ADCY5: variants seen among roughly 807,000 people sequenced by gnomAD.
The protein encoded by ADCY5 is adenylate cyclase type 5.
A neutral mutation model predicts 119.7 loss-of-function variants in ADCY5; 30 were observed. The observed-to-expected ratio is 0.25, with a 90% CI of 0.19 to 0.34. ADCY5 has a LOEUF of 0.34. ADCY5 is among the 10% of genes least tolerant of loss of function. The probability of loss-of-function intolerance (pLI) is 1.00; values close to 1 mark genes in which losing one functional copy is unlikely to be tolerated. For synonymous variants in ADCY5, 753 were observed against 762.2 expected (o/e 0.99, Z 0.20); for missense variants, 1,324 against 1,775.2 (o/e 0.75, Z 4.57).
At chr3:123,394,049 C>G (rs72966538) in intron 1 of ADCY5, among the ~76,000 whole-genome samples, 8,799 of 152,068 alleles carry the variant, frequency 0.058, 839 homozygotes, top group African/African-American at 0.2. Context: ...AGGATCACTT[C>G]AACCCATAAG....
At chr3:123,415,334 G>A (rs1170587552) in intron 1 of ADCY5, among the ~76,000 whole-genome samples, 1 of 152,132 alleles carries the variant, frequency 6.6e-6, no homozygotes, top group Non-Finnish European at 1.5e-5. Context: ...CAGCTCCACG[G>A]TACACTAGTA....
At chr3:123,434,527 TC>T (rs1420213073) in intron 1 of ADCY5, among the ~76,000 whole-genome samples, 1 of 152,230 alleles carries the variant, frequency 6.6e-6, no homozygotes, top group Non-Finnish European at 1.5e-5. Context: ...CATCACCTCG[TC>T]AGAGTTGCCA....
intron 1 of ADCY5, among the ~76,000 whole-genome samples, chr3:123,404,043 G>C (rs1944839792): frequency 6.6e-6 from 1 of 152,152 alleles, no homozygotes; most frequent in Admixed American, 6.5e-5. Flanking sequence ...TTACAAGAAA[G>C]GAGTAAGACC....
At chr3:123,374,103 G>C (rs891963469) in intron 1 of ADCY5, among the ~76,000 whole-genome samples, 1 of 152,178 alleles carries the variant, frequency 6.6e-6, no homozygotes, top group Non-Finnish European at 1.5e-5. Flanking sequence ...GATTGCAAAT[G>C]CCTCTGTCGG....
chr3:123,306,774 G>A (rs1269542421), intron 12 of ADCY5, among the ~76,000 whole-genome samples: 1 of 152,174 alleles, frequency 6.6e-6, no homozygotes, highest in Non-Finnish European at 1.5e-5. Flanking sequence ...ACAGGGACTT[G>A]CACAGATAAT....
Position 123,448,254 on chromosome 3 carries a change from G to GGAAGCT in ADCY5, c.286_291dup (p.Ser96_Phe97dup). On this transcript the variant is annotated inframe_insertion, in exon 1 of 21. Transcript: ENST00000462833. The stretch of plus-strand genomic sequence containing the variant: ...CGCTCCTGCCAGGCGGACTTGGAGC[G>GGAAGCT]GAAGCTGAAGCCGAAGCCCCCGGCC... 6.7e-7 allele frequency: 1 copy of GGAAGCT among 1,496,898 alleles called. No individual in the cohort carries two copies. The highest frequency in any genetic ancestry group is 2.8e-5 in the East Asian group (1 of 36,088). The allele number at this position is 1,496,898 out of a possible 1,614,324, so 92.7% of individuals were successfully genotyped here.
chr3:123,366,759 C>A (rs1456060692), intron 1 of ADCY5, among the ~76,000 whole-genome samples: 2 of 152,186 alleles, frequency 1.3e-5, no homozygotes, highest in Admixed American at 6.5e-5. Context: ...GGTGTGAGTT[C>A]TCAGCCTGGA....
intron 15 of ADCY5, among the ~76,000 whole-genome samples, chr3:123,299,262 T>C (rs969124608): frequency 3.3e-5 from 5 of 152,220 alleles, no homozygotes; most frequent in African/African-American, 1.2e-4. Flanking sequence ...CATTCCCACT[T>C]GTAACAGCTT....
rs762609054 is a variant in ADCY5 at position 123,448,400 on chromosome 3, G to A, written c.146C>T (p.Ser49Phe). ...ANGYPHAPGG[S>F]ARGSTKKPGG... The stretch of plus-strand genomic sequence containing the variant: ...GGGTTTCTTGGTGGAGCCGCGGGCA[G>A]AGCCCCCGGGGGCATGGGGGTAGCC... The change falls in exon 1 of 21, where the codon TCT (serine) becomes TTT (phenylalanine). Residue 49 changes from serine (S) to phenylalanine (F), a missense_variant. Physicochemically the swap from Ser to Phe is radical, Grantham distance 155. This residue lies in a region of ADCY5 where 585 missense variants were observed against 569.9 expected (regional missense o/e 1.03). Transcript: ENST00000462833. The A allele has an allele frequency of 3.0e-5, 43 of 1,436,672 alleles. No homozygotes were observed. The highest frequency in any genetic ancestry group is 2.4e-4 in the Middle Eastern group (1 of 4,124). 89.0% of individuals were successfully genotyped at this position (1,436,672 alleles called of 1,614,324 possible).
intron 19 of ADCY5, chr3:123,287,030 C>T: frequency 1.9e-6 from 1 of 529,212 alleles, no homozygotes; most frequent in Non-Finnish European, 3.2e-6. Context: ...TCCTCGACAC[C>T]CCTCACCAGG....
chr3:123,439,635 T>A (rs1173698193), intron 1 of ADCY5, among the ~76,000 whole-genome samples: 1 of 54,726 alleles, frequency 1.8e-5, no homozygotes, highest in African/African-American at 6.3e-5. Flanking sequence ...AGGCATCCAC[T>A]GGGGGTCTTG....
At chr3:123,423,365 C>G (rs779888558) in intron 1 of ADCY5, among the ~76,000 whole-genome samples, 2 of 152,204 alleles carry the variant, frequency 1.3e-5, no homozygotes, top group African/African-American at 2.4e-5. Flanking sequence ...TGTGATTCTG[C>G]GCCGTGGGAG....
intron 1 of ADCY5, among the ~76,000 whole-genome samples, chr3:123,399,630 T>A (rs962535925): frequency 2.0e-5 from 3 of 152,232 alleles, no homozygotes; most frequent in Non-Finnish European, 2.9e-5. Context: ...ATCACTTTTC[T>A]CAGTTTAGTT....
In ADCY5 at chr3:123,283,756, G is replaced by T. The variant is rs1253453311; in HGVS notation, c.*852C>A. 6.8e-6 allele frequency: 1 copy of T among 146,890 alleles called. No individual in the cohort carries two copies. The highest frequency in any genetic ancestry group is 1.5e-5 in the Non-Finnish European group (1 of 64,754). The allele number at this position is 146,890 out of a possible 1,614,324, so 9.1% of individuals were successfully genotyped here. ...GTGCACAGCTGTTTTCTAATATAGA[G>T]AATTTACAAAATATAGAATTTGGCA... is the stretch of plus-strand genomic sequence containing the variant. On this transcript the variant is annotated 3_prime_UTR_variant, in exon 21 of 21. Transcript: ENST00000462833.
intron 7 of ADCY5, 64 bp downstream of exon 7, chr3:123,327,554 T>A (rs781155273): frequency 6.2e-5 from 93 of 1,488,088 alleles, no homozygotes; most frequent in Non-Finnish European, 8.1e-5. Context: ...AAGCAGCAGG[T>A]CACGAAAATG....
chr3:123,439,783 T>C (rs1007668133), intron 1 of ADCY5, among the ~76,000 whole-genome samples: 1 of 152,196 alleles, frequency 6.6e-6, no homozygotes, highest in African/African-American at 2.4e-5. Flanking sequence ...TGCAACCCCA[T>C]GGCCTAGACA....
chr3:123,385,286 C>T (rs1002026260), intron 1 of ADCY5, among the ~76,000 whole-genome samples: 2 of 148,104 alleles, frequency 1.4e-5, no homozygotes, highest in Non-Finnish European at 2.9e-5. Flanking sequence ...CCACTGCAGA[C>T]ACACACGCAC....
chr3:123,427,365 T>C (rs1311424215), intron 1 of ADCY5, among the ~76,000 whole-genome samples: 1 of 152,166 alleles, frequency 6.6e-6, no homozygotes, highest in African/African-American at 2.4e-5. Flanking sequence ...GGCGCAGAAG[T>C]CTATACACTT....
At position 123,448,385 on chromosome 3, in the gene ADCY5, G is replaced by A; in HGVS notation, c.161C>T (p.Thr54Ile). The A allele has an allele frequency of 6.8e-7, 1 of 1,464,000 alleles. No homozygotes were observed. 90.7% of individuals were successfully genotyped at this position (1,464,000 alleles called of 1,614,324 possible). ...HAPGGSARGSTKKPGGAVTPQ... is the reference protein window; with the variant it reads ...HAPGGSARGSIKKPGGAVTPQ... ...GGTCACCGCCCCCCCGGGTTTCTTG[G>A]TGGAGCCGCGGGCAGAGCCCCCGGG... Residue 54 changes from threonine (T) to isoleucine (I), a missense_variant, in exon 1 of 21, where the codon ACC (threonine) becomes ATC (isoleucine). Physicochemically the swap from Thr to Ile is moderately conservative, Grantham distance 89. This residue lies in a region of ADCY5 where 585 missense variants were observed against 569.9 expected (regional missense o/e 1.03). Coordinates refer to ENST00000462833, the MANE Select transcript of ADCY5 (RefSeq NM_183357.3).
Sources: allele counts gnomAD v4.1 joint callset (sites outside exome capture counted in the v4.1 genomes callset), GRCh38; gene constraint gnomAD v4.1.1; regional missense constraint gnomAD v4.1.1; transcripts MANE v1.5; gene names NCBI Gene and HGNC (gene_info 2026-07-23, HGNC 2026-07-21).